Variants in ACSL5 observed in about 807,000 individuals in gnomAD.
ACSL5 encodes acyl-CoA synthetase long chain family member 5.
Under a neutral mutation model 84.9 loss-of-function variants are expected in ACSL5, and 50 were observed. The ratio of observed to expected loss-of-function variants is 0.59; its 90% CI spans 0.47 to 0.75. The LOEUF (loss-of-function observed/expected upper bound fraction) is 0.75. ACSL5 is among the 30% of genes least tolerant of loss of function. ACSL5 has a pLI of 0.00. For synonymous variants in ACSL5, 280 were observed against 300.7 expected (o/e 0.93, Z 0.71); for missense variants, 775 against 830.4 (o/e 0.93, Z 0.82).
At chr10:112,421,788 G>C in intron 15 of ACSL5, 123 bp downstream of exon 15, 1 of 1,330,398 alleles carries the variant, frequency 7.5e-7, no homozygotes, top group Non-Finnish European at 1.1e-6. Flanking sequence ...CAAAATTCAA[G>C]TTTTGGGTCC....
At chr10:112,402,027 A>C (rs1490734882) in intron 3 of ACSL5, among the ~76,000 whole-genome samples, 1 of 149,572 alleles carries the variant, frequency 6.7e-6, no homozygotes, top group Non-Finnish European at 1.5e-5. Context: ...GTGCAGTGGC[A>C]CGATCTAAGC....
chr10:112,376,145 G>A lies in ACSL5; in HGVS notation c.-30+1876G>A. On this transcript the variant is annotated intron_variant, in intron 1 of 20. Coordinates refer to ENST00000354655, the MANE Select transcript of ACSL5 (RefSeq NM_203379.2). ...ACACGGAGCCAGGGTAGCTTTGGCA[G>A]CTTCTCCCCTCCTGGTCAGAACACT... is the stretch of plus-strand genomic sequence containing the variant. 4 of 972,214 alleles carry A rather than the reference G, an allele frequency of 4.1e-6. No individual in the cohort carries two copies. In the South Asian group the frequency reaches 5.5e-5, roughly 13 times the overall value. 60.2% of individuals were successfully genotyped at this position (972,214 alleles called of 1,614,324 possible).
chr10:112,405,101 C>T (rs532000189), intron 5 of ACSL5, among the ~76,000 whole-genome samples: 12 of 152,172 alleles, frequency 7.9e-5, no homozygotes, highest in Admixed American at 3.9e-4. Flanking sequence ...TAGGAGGGAC[C>T]GCCAAATAAG....
intron 1 of ACSL5, chr10:112,376,352 C>G: frequency 6.2e-7 from 1 of 1,614,074 alleles, no homozygotes; most frequent in African/African-American, 1.3e-5. Flanking sequence ...GAACCACGAG[C>G]GAGGGAAGAA....
chr10:112,417,108 G>C (rs1018764567), intron 13 of ACSL5, 86 bp downstream of exon 13: 156 of 1,458,836 alleles, frequency 1.1e-4, no homozygotes, highest in Non-Finnish European at 1.4e-4. Context: ...TCTGCTGCTT[G>C]AGCGTCACTT....
At chr10:112,392,228 T>A (rs1252808816) in intron 1 of ACSL5, among the ~76,000 whole-genome samples, 2 of 152,184 alleles carry the variant, frequency 1.3e-5, no homozygotes, top group African/African-American at 4.8e-5. Flanking sequence ...TCCCAGCACT[T>A]CGGGAGGCCA....
At chr10:112,422,675 G>C (rs1844496987) in intron 17 of ACSL5, among the ~76,000 whole-genome samples, 1 of 151,934 alleles carries the variant, frequency 6.6e-6, no homozygotes, top group Admixed American at 6.6e-5. Flanking sequence ...GGCCAACATG[G>C]TGAAACTCCG....
At chr10:112,419,730 G>GTGTAT (rs2133656831) in intron 14 of ACSL5, 1 of 152,250 alleles carries the variant, frequency 6.6e-6, no homozygotes, top group East Asian at 1.9e-4. Flanking sequence ...TTTTTGCCCT[G>GTGTAT]TGTATTGCCA....
intron 1 of ACSL5, among the ~76,000 whole-genome samples, chr10:112,388,949 G>T (rs774055801): frequency 2.0e-5 from 3 of 152,124 alleles, no homozygotes; most frequent in Non-Finnish European, 2.9e-5. Flanking sequence ...GTTTGAGTGG[G>T]ATATATACAT....
chr10:112,408,470 C>G lies in ACSL5; in HGVS notation c.481C>G (p.Pro161Ala), dbSNP rs745851207. The stretch of plus-strand genomic sequence containing the variant: ...TTACACGTACTCTATGGTAGCTGTA[C>G]CTCTGTATGACACCTTGGGACCAGA... Reference protein sequence around the residue: ...ACYTYSMVAVPLYDTLGPEAI... With the variant: ...ACYTYSMVAVALYDTLGPEAI... The change falls in exon 6 of 21, where the codon CCT (proline) becomes GCT (alanine). Residue 161 changes from proline to alanine, a missense_variant. Physicochemically the swap from Pro to Ala is conservative, Grantham distance 27. Coordinates refer to ENST00000354655, the MANE Select transcript of ACSL5 (RefSeq NM_203379.2). The G allele has an allele frequency of 7.4e-6, 12 of 1,613,834 alleles. No homozygotes were observed. The highest frequency in any genetic ancestry group is 9.3e-6 in the Non-Finnish European group (11 of 1,179,768).
At chr10:112,411,781 G>A in intron 10 of ACSL5, 121 bp from the exon 11 acceptor site, 1 of 968,000 alleles carries the variant, frequency 1.0e-6, no homozygotes, top group African/African-American at 1.6e-5. Context: ...GATCTACACA[G>A]TGTACCGCCT....
intron 1 of ACSL5, among the ~76,000 whole-genome samples, chr10:112,391,155 G>A (rs1849554621): frequency 6.6e-6 from 1 of 152,190 alleles, no homozygotes. Flanking sequence ...AAGGCGGGCG[G>A]ATCACCTGAG....
chr10:112,426,743 G>A, intron 19 of ACSL5, 45 bp from the exon 20 acceptor site: 1 of 1,573,360 alleles, frequency 6.4e-7, no homozygotes, highest in East Asian at 2.2e-5. Context: ...AGCCCTTCAG[G>A]CTTTTTGAAA....
chr10:112,415,310 C>G (rs1844290140), intron 12 of ACSL5, among the ~76,000 whole-genome samples: 1 of 152,218 alleles, frequency 6.6e-6, no homozygotes, highest in African/African-American at 2.4e-5. Flanking sequence ...TGCCATTCTC[C>G]TGCCTCAGCC....
At chr10:112,410,433 T>G in intron 7 of ACSL5, 30 bp from the exon 8 acceptor site, 2 of 1,613,854 alleles carry the variant, frequency 1.2e-6, no homozygotes, top group Non-Finnish European at 1.7e-6. Context: ...TCAACTAATG[T>G]CTTTCTTTCT....
intron 1 of ACSL5, among the ~76,000 whole-genome samples, chr10:112,375,961 C>T (rs1410312175): frequency 6.6e-6 from 1 of 152,168 alleles, no homozygotes; most frequent in East Asian, 1.9e-4. Flanking sequence ...TCACCTCTGC[C>T]TCTGTGAGGC....
intron 1 of ACSL5, among the ~76,000 whole-genome samples, chr10:112,385,021 A>G (rs1195892409): frequency 6.6e-6 from 1 of 152,198 alleles, no homozygotes; most frequent in Non-Finnish European, 1.5e-5. Context: ...GTGTGGAAGT[A>G]CTGTAATTTG....
At chr10:112,388,625 A>G (rs755252101) in intron 1 of ACSL5, among the ~76,000 whole-genome samples, 4 of 152,224 alleles carry the variant, frequency 2.6e-5, no homozygotes, top group Admixed American at 6.5e-5. Context: ...CATCAGAGAC[A>G]CAGCAGTAAA....
intron 12 of ACSL5, among the ~76,000 whole-genome samples, chr10:112,414,816 G>A (rs895380856): frequency 1.3e-5 from 2 of 152,096 alleles, no homozygotes; most frequent in African/African-American, 4.8e-5. Flanking sequence ...TCAGGGAGCC[G>A]TTGAAGCTAT....
Sources: allele counts gnomAD v4.1 joint callset (sites outside exome capture counted in the v4.1 genomes callset), GRCh38; gene constraint gnomAD v4.1.1; transcripts MANE v1.5; gene names NCBI Gene and HGNC (gene_info 2026-07-23, HGNC 2026-07-21).